SHANK2: variants seen among roughly 807,000 people sequenced by gnomAD.
SHANK2 encodes the protein SH3 and multiple ankyrin repeat domains 2, also known as SH3 and multiple ankyrin repeat domains protein 2.
SHANK2 carries 43 observed loss-of-function variants against 133.7 expected under a neutral mutation model. The ratio of observed to expected loss-of-function variants is 0.32; its 90% CI spans 0.25 to 0.41. SHANK2 has a LOEUF of 0.41. SHANK2 is among the 10% of genes least tolerant of loss of function. The probability of loss-of-function intolerance (pLI) is 1.00; values close to 1 mark genes in which losing one functional copy is unlikely to be tolerated. For missense variants in SHANK2, 1,994 were observed against 2,235.8 expected (o/e 0.89, Z 2.18); for synonymous variants, 1,017 against 952.8 (o/e 1.07, Z -1.24).
intron 17 of SHANK2, among the ~76,000 whole-genome samples, chr11:70,505,171 G>C (rs529065806): frequency 6.6e-6 from 1 of 152,192 alleles, no homozygotes; most frequent in Non-Finnish European, 1.5e-5. Context: ...CAGTGTGGGC[G>C]GAGTCATGGA....
chr11:70,862,428 C>T (rs782307526), intron 11 of SHANK2, among the ~76,000 whole-genome samples: 3 of 151,986 alleles, frequency 2.0e-5, no homozygotes, highest in African/African-American at 7.3e-5. Flanking sequence ...TGAGTAGAGA[C>T]AATGGAAATG....
intron 14 of SHANK2, among the ~76,000 whole-genome samples, chr11:70,699,455 G>A (rs1945474370): frequency 6.6e-6 from 1 of 152,088 alleles, no homozygotes; most frequent in South Asian, 2.1e-4. Context: ...ACGAGTTCCT[G>A]TTTACTTTCC....
chr11:70,943,235 C>A (rs1477256687), intron 10 of SHANK2, among the ~76,000 whole-genome samples: 2 of 152,088 alleles, frequency 1.3e-5, no homozygotes, highest in Non-Finnish European at 2.9e-5. Flanking sequence ...GAGATTATGT[C>A]CCCTGTTGGA....
intron 3 of SHANK2, among the ~76,000 whole-genome samples, chr11:71,127,080 G>A (rs1371329625): frequency 6.6e-6 from 1 of 152,208 alleles, no homozygotes; most frequent in Non-Finnish European, 1.5e-5. Context: ...CAACTCTCAT[G>A]GATGACTTTG....
Position 70,569,987 on chromosome 11 carries a change from CCATTGTGGACTCCTGCCTCCAG to C in SHANK2, c.2062-67078_2062-67057del, listed in dbSNP as rs1457824469. Among the ~76,000 whole-genome samples the C allele has an allele frequency of 2.0e-5, 3 of 152,090 alleles. No homozygotes were observed. The highest frequency in any genetic ancestry group is 7.2e-5 in the African/African-American group (3 of 41,496). On this transcript the variant is annotated intron_variant, in intron 17 of 25. Transcript: ENST00000601538. The surrounding 1 kb of genome is among the most constrained non-coding windows in gnomAD (Gnocchi z 5.1). ...GAGAGACAGAGACAGGCCCCCAGCA[CCATTGTGGACTCCTGCCTCCAG>C]CTGTTGAGTCTCCCCCTGCACATTA...
In SHANK2 at chr11:71,118,907, A is replaced by G. The variant is rs1260445374; in HGVS notation, c.333T>C (p.Arg111=). Residue 111 remains arginine, a synonymous_variant, in exon 4 of 26, where the codon CGT becomes CGC. Transcript: ENST00000601538. ...GCTCCTCATCCAGGAACTTGCCGTCACGCCCATTGCTGGCCGGCTGGAACA... is the reference window on the plus strand; with the variant it reads ...GCTCCTCATCCAGGAACTTGCCGTCGCGCCCATTGCTGGCCGGCTGGAACA... ...YGLFQPASNG[R]DGKFLDEERL... 3 of 1,551,746 alleles carry G rather than the reference A, an allele frequency of 1.9e-6. No individual in the cohort carries two copies. Among genetic ancestry groups the G allele is most frequent in the Non-Finnish European group, 2.6e-6 (3 of 1,147,014 alleles).
chr11:71,090,581 C>A (rs1951494937), intron 8 of SHANK2, among the ~76,000 whole-genome samples: 1 of 81,246 alleles, frequency 1.2e-5, no homozygotes, highest in Non-Finnish European at 2.3e-5. Flanking sequence ...GCTGCTTCTA[C>A]ATTCAGGGTG....
chr11:70,892,320 T>A (rs1949858124), intron 11 of SHANK2, among the ~76,000 whole-genome samples: 2 of 151,516 alleles, frequency 1.3e-5, no homozygotes, highest in Non-Finnish European at 1.5e-5. Context: ...GGAGCCTGGA[T>A]GAGGAAGCAG....
At chr11:70,478,964 G>A (rs2058698875) in intron 25 of SHANK2, among the ~76,000 whole-genome samples, 1 of 152,190 alleles carries the variant, frequency 6.6e-6, no homozygotes, top group South Asian at 2.1e-4. Context: ...CCACCTCTTG[G>A]GAAGAGAGAT....
chr11:70,753,839 TCTCA>T (rs1384924746), intron 14 of SHANK2, among the ~76,000 whole-genome samples: 5 of 152,052 alleles, frequency 3.3e-5, no homozygotes, highest in South Asian at 2.1e-4. Flanking sequence ...TGAGACAGAG[TCTCA>T]CTCAGTCACC....
At chr11:70,607,871 C>T (rs1370532858) in intron 17 of SHANK2, among the ~76,000 whole-genome samples, 1 of 152,240 alleles carries the variant, frequency 6.6e-6, no homozygotes, top group Non-Finnish European at 1.5e-5. Context: ...AGTATTCTGT[C>T]TCTTGGACAA....
At chr11:70,891,740 G>T (rs542698467) in intron 11 of SHANK2, among the ~76,000 whole-genome samples, 7 of 152,164 alleles carry the variant, frequency 4.6e-5, no homozygotes, top group African/African-American at 1.7e-4. Context: ...CCAGGGTAGA[G>T]GGCCAGGCTG....
chr11:70,756,925 G>A (rs1946888580), intron 14 of SHANK2, among the ~76,000 whole-genome samples: 1 of 152,160 alleles, frequency 6.6e-6, no homozygotes. Flanking sequence ...TCAGACCCAG[G>A]CTCCAAACCT....
chr11:70,502,150 G>T, intron 19 of SHANK2, 56 bp downstream of exon 19: 1 of 1,523,982 alleles, frequency 6.6e-7, no homozygotes, highest in Non-Finnish European at 8.9e-7. Flanking sequence ...TTTGCAAAGG[G>T]CAGCTCAGGG....
At chr11:70,898,597 G>C (rs1348429921) in intron 10 of SHANK2, among the ~76,000 whole-genome samples, 5 of 152,206 alleles carry the variant, frequency 3.3e-5, no homozygotes, top group Admixed American at 3.3e-4. Flanking sequence ...GTGGAAGGTA[G>C]ACTGTGTGAG....
chr11:70,838,153 G>A (rs1555060570), intron 11 of SHANK2, among the ~76,000 whole-genome samples: 1 of 152,066 alleles, frequency 6.6e-6, no homozygotes, highest in Non-Finnish European at 1.5e-5. Context: ...CTACAACTGG[G>A]GCCTTCTGGA....
chr11:70,585,934 A>G (rs2060245220), intron 17 of SHANK2, among the ~76,000 whole-genome samples: 1 of 151,530 alleles, frequency 6.6e-6, no homozygotes, highest in Admixed American at 6.6e-5. Context: ...TCCTTCATCC[A>G]TTCCTCCATC....
chr11:70,638,191 CA>C (rs1177314712), intron 17 of SHANK2, among the ~76,000 whole-genome samples: 1 of 152,242 alleles, frequency 6.6e-6, no homozygotes, highest in Non-Finnish European at 1.5e-5. Context: ...CTTAGAGCTA[CA>C]GAGTCCGGGG....
At chr11:70,901,437 G>A (rs979634010) in intron 10 of SHANK2, among the ~76,000 whole-genome samples, 17 of 152,222 alleles carry the variant, frequency 1.1e-4, no homozygotes, top group African/African-American at 3.6e-4. Flanking sequence ...GACTAGTCCT[G>A]TAAGAACGGA....
Sources: allele counts gnomAD v4.1 joint callset (sites outside exome capture counted in the v4.1 genomes callset), GRCh38; gene constraint gnomAD v4.1.1; non-coding constraint Gnocchi (gnomAD v3.1); transcripts MANE v1.5; gene names NCBI Gene and HGNC (gene_info 2026-07-23, HGNC 2026-07-21).